MYO1B: variants seen among roughly 807,000 people sequenced by gnomAD.
MYO1B encodes unconventional myosin-Ib.
A neutral mutation model predicts 159.7 loss-of-function variants in MYO1B; 72 were observed. That is an observed-to-expected ratio of 0.45 (90% CI 0.37 to 0.55). MYO1B has a LOEUF of 0.55. Ranked by LOEUF, MYO1B falls within the 20% of genes least tolerant of loss-of-function variation. The pLI is 0.00. For missense variants in MYO1B, 1,062 were observed against 1,364.8 expected, an observed-to-expected ratio of 0.78 and a Z score of 3.50; for synonymous variants, 468 against 473.8, an observed-to-expected ratio of 0.99 and a Z score of 0.16.
intron 30 of MYO1B, among the ~76,000 whole-genome samples, chr2:191,422,652 C>T (rs1293011434): frequency 2.6e-5 from 4 of 152,108 alleles, no homozygotes; most frequent in African/African-American, 9.7e-5. Context: ...TTTTGAAATA[C>T]ATTTAAGCTA....
chr2:191,364,039 T>C (rs1693843938), intron 10 of MYO1B, 119 bp from the exon 11 acceptor site: 8 of 1,170,520 alleles, frequency 6.8e-6, no homozygotes, highest in African/African-American at 3.0e-5. Flanking sequence ...TTTTTTGATG[T>C]ATACATTTTA....
At chr2:191,296,759 A>G (rs905124111) in intron 3 of MYO1B, among the ~76,000 whole-genome samples, 3 of 152,202 alleles carry the variant, frequency 2.0e-5, no homozygotes, top group African/African-American at 7.2e-5. Flanking sequence ...TGTTAGTGTA[A>G]ATAATTCCTT....
At chr2:191,371,605 C>T (rs190441819) in intron 13 of MYO1B, among the ~76,000 whole-genome samples, 5 of 152,304 alleles carry the variant, frequency 3.3e-5, no homozygotes, top group Admixed American at 2.0e-4. Flanking sequence ...ACCTAAACTC[C>T]AGGCCCTTTT....
chr2:191,357,140 G>T (rs1693345660), intron 7 of MYO1B, among the ~76,000 whole-genome samples: 1 of 152,202 alleles, frequency 6.6e-6, no homozygotes, highest in Non-Finnish European at 1.5e-5. Flanking sequence ...CCTAAAGTAT[G>T]TGATGTGATT....
chr2:191,422,851 G>A lies in MYO1B; in HGVS notation c.3288-986G>A, dbSNP rs980064241. 6.6e-5 allele frequency among the ~76,000 whole-genome samples: 10 copies of A among 151,660 alleles called. 1 individual carries two copies. The highest frequency in any genetic ancestry group is 2.4e-4 in the African/African-American group (10 of 41,302). ...CCTCCCATATTTTTTTTTTGCCGTGGAAAAATGGAAATATAACCTGTTGGT... is the reference window on the plus strand; with the variant it reads ...CCTCCCATATTTTTTTTTTGCCGTGAAAAAATGGAAATATAACCTGTTGGT... On this transcript the variant is annotated intron_variant, in intron 30 of 30. Coordinates refer to ENST00000392318, the MANE Select transcript of MYO1B (RefSeq NM_001130158.3).
intron 3 of MYO1B, among the ~76,000 whole-genome samples, chr2:191,320,620 T>C (rs1451182327): frequency 1.3e-5 from 2 of 152,134 alleles, no homozygotes; most frequent in Non-Finnish European, 2.9e-5. Context: ...GCTACAGATT[T>C]GGTTTTCCTA....
At chr2:191,259,031 A>G (rs1686636883) in intron 1 of MYO1B, among the ~76,000 whole-genome samples, 1 of 152,152 alleles carries the variant, frequency 6.6e-6, no homozygotes, top group Non-Finnish European at 1.5e-5. Context: ...TGGACATTAG[A>G]TACATAGTCG....
chr2:191,298,093 A>G (rs1689091387), intron 3 of MYO1B, among the ~76,000 whole-genome samples: 1 of 152,248 alleles, frequency 6.6e-6, no homozygotes, highest in South Asian at 2.1e-4. Context: ...AGGAACATAT[A>G]TATACCACTG....
intron 5 of MYO1B, among the ~76,000 whole-genome samples, chr2:191,342,306 G>A (rs551659051): frequency 2.6e-5 from 4 of 152,240 alleles, no homozygotes; most frequent in East Asian, 1.9e-4. Context: ...GGCCTCACCC[G>A]TCATGACCAC....
At chr2:191,422,745 A>G (rs1002919957) in intron 30 of MYO1B, among the ~76,000 whole-genome samples, 4 of 152,192 alleles carry the variant, frequency 2.6e-5, no homozygotes, top group Admixed American at 2.0e-4. Flanking sequence ...GAAGCCATAG[A>G]CTAGAGGGTT....
At chr2:191,398,647 C>T (rs1459981604) in intron 21 of MYO1B, among the ~76,000 whole-genome samples, 8 of 150,788 alleles carry the variant, frequency 5.3e-5, no homozygotes, top group Non-Finnish European at 8.8e-5. Flanking sequence ...GGGGCAGAGG[C>T]GCTCCCCACT....
At chr2:191,399,692 C>G (rs1696485516) in intron 21 of MYO1B, among the ~76,000 whole-genome samples, 1 of 152,176 alleles carries the variant, frequency 6.6e-6, no homozygotes, top group Non-Finnish European at 1.5e-5. Flanking sequence ...TGACCTTGCC[C>G]AGGCCCTCGA....
intron 7 of MYO1B, among the ~76,000 whole-genome samples, chr2:191,353,318 T>A (rs911716286): frequency 6.6e-6 from 1 of 152,236 alleles, no homozygotes; most frequent in South Asian, 2.1e-4. Context: ...TCTAGTGTTA[T>A]GAACTGGAAG....
chr2:191,309,638 G>A (rs565282264), intron 3 of MYO1B, among the ~76,000 whole-genome samples: 162 of 152,196 alleles, frequency 1.1e-3, no homozygotes, highest in Non-Finnish European at 1.8e-3. Context: ...CCCCAGCCAC[G>A]CTGTCCTCCT....
intron 3 of MYO1B, among the ~76,000 whole-genome samples, chr2:191,328,297 G>A (rs1447570388): frequency 6.6e-6 from 1 of 152,192 alleles, no homozygotes; most frequent in Non-Finnish European, 1.5e-5. Context: ...TGACTGGTGT[G>A]AACAGCTCTC....
intron 1 of MYO1B, among the ~76,000 whole-genome samples, chr2:191,268,344 G>A (rs965478920): frequency 2.0e-5 from 3 of 152,028 alleles, no homozygotes; most frequent in African/African-American, 7.3e-5. Context: ...TTCTTATAAG[G>A]ACACCAATCT....
chr2:191,367,411 T>C (rs1694079946), intron 11 of MYO1B, among the ~76,000 whole-genome samples: 1 of 152,180 alleles, frequency 6.6e-6, no homozygotes, highest in Non-Finnish European at 1.5e-5. Flanking sequence ...TGAGTGCCTT[T>C]AGCCTGGAAT....
intron 29 of MYO1B, among the ~76,000 whole-genome samples, chr2:191,415,859 A>G (rs1697531453): frequency 6.6e-6 from 1 of 152,176 alleles, no homozygotes; most frequent in South Asian, 2.1e-4. Context: ...CTGCTTTTCT[A>G]GCAAGCTCCA....
chr2:191,255,945 C>T (rs1459808173), intron 1 of MYO1B, among the ~76,000 whole-genome samples: 1 of 152,198 alleles, frequency 6.6e-6, no homozygotes. Context: ...TCTGCCCTTC[C>T]TGGGAGGGGT....
Sources: gnomAD v4.1 joint callset for allele counts (sites outside exome capture counted in the v4.1 genomes callset) on GRCh38, gnomAD v4.1.1 for gene constraint, MANE v1.5 for transcripts, NCBI Gene and HGNC (gene_info 2026-07-23, HGNC 2026-07-21) for gene names.